AKR1D1: variants seen among roughly 807,000 people sequenced by gnomAD.
AKR1D1 encodes the protein delta(4)-3-ketosteroid 5-beta-reductase.
Under a neutral mutation model 42.6 loss-of-function variants are expected in AKR1D1, and 32 were observed. The observed-to-expected ratio is 0.75, with a 90% CI of 0.57 to 1.01. The LOEUF is 1.01. Among genes scored for constraint, AKR1D1 ranks in the 50% least tolerant of loss-of-function variants. AKR1D1 has a pLI of 0.00. For missense variants in AKR1D1, 364 were observed against 402.2 expected (o/e 0.91, Z 0.81); for synonymous variants, 123 against 135.5 (o/e 0.91, Z 0.64).
rs1261649173 is a variant in AKR1D1 at position 138,097,887 on chromosome 7, A to G, written c.400A>G (p.Arg134Gly). Residue 134 changes from arginine (R) to glycine (G), a missense_variant, in exon 4 of 9, where the codon AGA becomes GGA. Arg to Gly is a moderately radical substitution (Grantham distance 125). Coordinates refer to ENST00000242375, the MANE Select transcript of AKR1D1 (RefSeq NM_005989.4). ...TCAGCCAGGAGATGAAATATACCCT[A>G]GAGATGAGAATGGCAAATGGTTATA... ...AFKPGDEIYP[R>G]DENGKWLYHK... 1.2e-6 allele frequency: 2 copies of G among 1,607,584 alleles called. No individual in the cohort carries two copies. Among genetic ancestry groups the G allele is most frequent in the Admixed American group, 1.7e-5 (1 of 59,858 alleles).
intron 3 of AKR1D1, among the ~76,000 whole-genome samples, chr7:138,097,497 T>A: frequency 6.6e-6 from 1 of 152,202 alleles, no homozygotes; most frequent in Admixed American, 6.5e-5. Context: ...AAGAAACAAA[T>A]ATTGATACTT....
At chr7:138,111,639 G>GA (rs890581809) in intron 7 of AKR1D1, among the ~76,000 whole-genome samples, 9 of 151,734 alleles carry the variant, frequency 5.9e-5, no homozygotes, top group South Asian at 2.1e-4. Context: ...TGCCATGGGA[G>GA]AAAAAAAAGA....
chr7:138,094,538 G>A (rs1244464425), intron 3 of AKR1D1, among the ~76,000 whole-genome samples: 2 of 151,932 alleles, frequency 1.3e-5, no homozygotes, highest in Admixed American at 6.6e-5. Flanking sequence ...AAAAAGAGTG[G>A]GGGGGCAGTC....
At chr7:138,111,982 A>AT (rs1303775453) in intron 7 of AKR1D1, among the ~76,000 whole-genome samples, 1 of 151,456 alleles carries the variant, frequency 6.6e-6, no homozygotes. Flanking sequence ...TAATTCTTTA[A>AT]TTTTTTTTTC....
At chr7:138,107,610 AG>A in intron 7 of AKR1D1, 30 bp downstream of exon 7, 1 of 1,610,836 alleles carries the variant, frequency 6.2e-7, no homozygotes, top group South Asian at 1.1e-5. Flanking sequence ...AGATGTGAAA[AG>A]ATGGGTATGT....
intron 2 of AKR1D1, among the ~76,000 whole-genome samples, chr7:138,091,000 T>A (rs1221414791): frequency 6.6e-6 from 1 of 152,200 alleles, no homozygotes; most frequent in Non-Finnish European, 1.5e-5. Flanking sequence ...GCCACACGCA[T>A]AACCATATTC....
In AKR1D1 at chr7:138,094,098, A is replaced by T. The variant is rs540110311; in HGVS notation, c.378+2214A>T. ...ATGGGTTCAAAGGCACAAAAGGTAA[A>T]ATTTTAACAGTGAGAAATGACACAA... is the stretch of plus-strand genomic sequence containing the variant. On this transcript the variant is annotated intron_variant, in intron 3 of 8. Transcript: ENST00000242375. 9.8e-5 allele frequency among the ~76,000 whole-genome samples: 15 copies of T among 152,336 alleles called. No homozygotes were observed. In the South Asian group the frequency reaches 3.1e-3, roughly 32 times the overall value.
intron 1 of AKR1D1, among the ~76,000 whole-genome samples, chr7:138,079,228 C>A (rs1367047246): frequency 6.6e-6 from 1 of 152,124 alleles, no homozygotes; most frequent in African/African-American, 2.4e-5. Context: ...AAGCCTTGCT[C>A]TTATACCAAG....
In AKR1D1 at chr7:138,112,356, T is replaced by C. The variant is rs78583254; in HGVS notation, c.856-1334T>C. ...ATAATAAATCATAAAAGAAAATGGT[T>C]CCCTGAAAAGAGTACTTGGAAAGAA... is the stretch of plus-strand genomic sequence containing the variant. On this transcript the variant is annotated intron_variant, in intron 7 of 8. Coordinates refer to ENST00000242375, the MANE Select transcript of AKR1D1 (RefSeq NM_005989.4). 9.6e-3 allele frequency among the ~76,000 whole-genome samples: 1,455 copies of C among 152,278 alleles called. 8 individuals carry two copies. Among genetic ancestry groups the C allele is most frequent in the Non-Finnish European group, 0.013 (872 of 67,992 alleles).
chr7:138,086,245 A>G (rs747368084), intron 1 of AKR1D1, among the ~76,000 whole-genome samples: 2 of 152,072 alleles, frequency 1.3e-5, no homozygotes, highest in African/African-American at 2.4e-5. Flanking sequence ...ATGAAAGTAG[A>G]TGTTTATTTT....
chr7:138,101,689 A>G lies in AKR1D1; in HGVS notation c.457-3618A>G, dbSNP rs575870612. Among the ~76,000 whole-genome samples, 3 of 152,364 alleles carry G rather than the reference A, an allele frequency of 2.0e-5. No homozygotes were observed. The East Asian group carries it at 5.8e-4, about 29-fold the overall frequency. On this transcript the variant is annotated intron_variant, in intron 4 of 8. Coordinates refer to ENST00000242375, the MANE Select transcript of AKR1D1 (RefSeq NM_005989.4). ...ACAATTGGAAATTATTTTTAAAAAC[A>G]ATGCTAAACATTAAATATTTAAAGA...
chr7:138,078,625 A>T (rs1802989597), intron 1 of AKR1D1, among the ~76,000 whole-genome samples: 1 of 152,218 alleles, frequency 6.6e-6, no homozygotes, highest in African/African-American at 2.4e-5. Flanking sequence ...TCAAAGCTAT[A>T]TTCTCTATTG....
At chr7:138,113,889 G>A in intron 8 of AKR1D1, 117 bp downstream of exon 8, 1 of 882,800 alleles carries the variant, frequency 1.1e-6, no homozygotes, top group Non-Finnish European at 1.9e-6. Context: ...AAAGCATGGT[G>A]GGCCGCATAT....
intron 1 of AKR1D1, among the ~76,000 whole-genome samples, chr7:138,084,493 A>G (rs1803127270): frequency 6.6e-6 from 1 of 152,022 alleles, no homozygotes; most frequent in Admixed American, 6.6e-5. Flanking sequence ...CGCTGGGATT[A>G]CAGGTGTGTG....
At chr7:138,113,234 T>G (rs985289473) in intron 7 of AKR1D1, among the ~76,000 whole-genome samples, 1 of 151,706 alleles carries the variant, frequency 6.6e-6, no homozygotes, top group Non-Finnish European at 1.5e-5. Context: ...GAGACTAGCT[T>G]GAACCCAGGA....
chr7:138,082,659 G>T (rs1803082327), intron 1 of AKR1D1, among the ~76,000 whole-genome samples: 1 of 152,170 alleles, frequency 6.6e-6, no homozygotes, highest in African/African-American at 2.4e-5. Flanking sequence ...AAAGTGCTGA[G>T]ATTATAGGCA....
rs185424799 is a variant in AKR1D1, at chr7:138,105,836, G to C, written c.579+407G>C. Among the ~76,000 whole-genome samples the C allele has an allele frequency of 1.5e-4, 23 of 152,198 alleles. 1 individual carries two copies. The East Asian group carries it at 4.4e-3, about 29-fold the overall frequency. ...GGAGGTGGAGGTTGCAGTGAGCCGA[G>C]ATTGCGCCACTGCACTCCAGCCTGG... On this transcript the variant is annotated intron_variant, in intron 5 of 8. Transcript: ENST00000242375.
In AKR1D1 at chr7:138,113,703, C is replaced by T. The variant is rs1203886861; in HGVS notation, c.869C>T (p.Ser290Phe). Residue 290 changes from serine to phenylalanine, a missense_variant, in exon 8 of 9, where the codon TCT (serine) becomes TTT (phenylalanine). Transcript: ENST00000242375. ...IKENFQIFDF[S>F]LTEEEMKDIE... The stretch of plus-strand genomic sequence containing the variant: ...CCGTTATTTCAGATCTTTGACTTTT[C>T]TCTCACTGAAGAAGAAATGAAGGAC... 1.2e-6 allele frequency: 2 copies of T among 1,614,012 alleles called. No homozygotes were observed. Among genetic ancestry groups the T allele is most frequent in the South Asian group, 1.1e-5 (1 of 91,084 alleles).
chr7:138,090,032 C>T (rs528051179), intron 2 of AKR1D1, among the ~76,000 whole-genome samples: 14 of 151,070 alleles, frequency 9.3e-5, no homozygotes, highest in Non-Finnish European at 5.9e-5. Context: ...AAAGCACTCA[C>T]ACCGAACCTG....
Sources: allele counts gnomAD v4.1 joint callset (sites outside exome capture counted in the v4.1 genomes callset), GRCh38; gene constraint gnomAD v4.1.1; transcripts MANE v1.5; gene names NCBI Gene and HGNC (gene_info 2026-07-23, HGNC 2026-07-21).